The following FAM178B variants were observed in gnomAD, a reference collection of about 807,000 sequenced individuals.
FAM178B encodes the protein family with sequence similarity 178 member B, also known as protein FAM178B.
Under a neutral mutation model 91.7 loss-of-function variants are expected in FAM178B, and 82 were observed. That is an observed-to-expected ratio of 0.89 (90% CI 0.75 to 1.07). The LOEUF (loss-of-function observed/expected upper bound fraction) is 1.07. FAM178B is among the 50% of genes least tolerant of loss of function. The pLI is 0.00. For missense variants in FAM178B, 769 were observed against 846.7 expected, an observed-to-expected ratio of 0.91 and a Z score of 1.14; for synonymous variants, 368 against 359.4, an observed-to-expected ratio of 1.02 and a Z score of -0.27.
chr2:96,915,299 G>C (rs988434974), intron 12 of FAM178B, among the ~76,000 whole-genome samples: 1 of 150,284 alleles, frequency 6.7e-6, no homozygotes, highest in African/African-American at 2.5e-5. Flanking sequence ...TCTATTTTTA[G>C]TAGAGACGGG....
chr2:96,962,903 T>C (rs139864782), intron 5 of FAM178B, among the ~76,000 whole-genome samples: 1 of 152,286 alleles, frequency 6.6e-6, no homozygotes, highest in Non-Finnish European at 1.5e-5. Context: ...CCCCCTTCCC[T>C]GGCCCTATTC....
chr2:96,986,091 T>C, intron 1 of FAM178B, 150 bp downstream of exon 1: 2 of 1,428,110 alleles, frequency 1.4e-6, no homozygotes, highest in South Asian at 1.5e-5. Flanking sequence ...CCACGCGGGG[T>C]CGCAGGAACC....
In FAM178B at chr2:96,950,123, G is replaced by A. The variant is rs369802686; in HGVS notation, c.993+1256C>T. On this transcript the variant is annotated intron_variant, in intron 7 of 16. Coordinates refer to ENST00000490605, the MANE Select transcript of FAM178B (RefSeq NM_001122646.3). The stretch of plus-strand genomic sequence containing the variant: ...ACCTGGAAGAAACCGACACGCCCCC[G>A]GGAAGGCACTCCACGCCAGTGTCAG... The A allele has an allele frequency of 1.0e-5, 10 of 985,376 alleles. No homozygotes were observed. In the Admixed American group the frequency reaches 2.5e-4, roughly 24 times the overall value. The allele number at this position is 985,376 out of a possible 1,614,324, so 61.0% of individuals were successfully genotyped here.
intron 14 of FAM178B, among the ~76,000 whole-genome samples, chr2:96,888,778 C>A (rs1385509018): frequency 1.3e-5 from 2 of 152,348 alleles, no homozygotes; most frequent in East Asian, 1.9e-4. Context: ...AGAGGCCACA[C>A]CCTCTGCAGA....
chr2:96,939,972 A>G (rs1391334871), intron 8 of FAM178B, among the ~76,000 whole-genome samples: 1 of 152,196 alleles, frequency 6.6e-6, no homozygotes, highest in African/African-American at 2.4e-5. Flanking sequence ...TATGACGCTG[A>G]ATTACTGTTA....
chr2:96,891,817 GGAGT>G (rs1407179123), intron 14 of FAM178B, among the ~76,000 whole-genome samples: 10 of 152,212 alleles, frequency 6.6e-5, no homozygotes, highest in African/African-American at 2.2e-4. Flanking sequence ...CTCCCAGACA[GGAGT>G]GAGAGGGCCT....
At chr2:96,932,025 G>A (rs1296972847) in intron 8 of FAM178B, among the ~76,000 whole-genome samples, 2 of 152,240 alleles carry the variant, frequency 1.3e-5, no homozygotes, top group Non-Finnish European at 2.9e-5. Flanking sequence ...GTGCACGTAT[G>A]TGCATGCACC....
intron 7 of FAM178B, 145 bp downstream of exon 7, chr2:96,951,234 G>C (rs2081922102): frequency 3.1e-6 from 2 of 643,562 alleles, no homozygotes; most frequent in Admixed American, 4.9e-5. Context: ...TGCCCAATCA[G>C]CTCTCCTCCC....
intron 8 of FAM178B, 137 bp from the exon 9 acceptor site, chr2:96,929,457 T>C (rs536611874): frequency 1.5e-6 from 1 of 657,518 alleles, no homozygotes; most frequent in Non-Finnish European, 2.7e-6. Flanking sequence ...AGGTGTTATC[T>C]GGGGAAATGA....
At chr2:96,908,765 A>G (rs943445816) in intron 12 of FAM178B, among the ~76,000 whole-genome samples, 2 of 151,182 alleles carry the variant, frequency 1.3e-5, no homozygotes, top group African/African-American at 4.9e-5. Flanking sequence ...TAAGTAAATT[A>G]AAAGGTACAC....
chr2:96,892,688 C>G (rs1027986424), intron 14 of FAM178B, among the ~76,000 whole-genome samples: 1 of 152,014 alleles, frequency 6.6e-6, no homozygotes, highest in Non-Finnish European at 1.5e-5. Context: ...AAGGTGCCTG[C>G]AGGCCACACT....
intron 12 of FAM178B, among the ~76,000 whole-genome samples, chr2:96,919,073 G>C (rs2081289418): frequency 6.6e-6 from 1 of 152,212 alleles, no homozygotes; most frequent in African/African-American, 2.4e-5. Flanking sequence ...AATGCTCCCA[G>C]CTGAATAAAG....
At chr2:96,879,541 C>T (rs1017462585) in intron 14 of FAM178B, among the ~76,000 whole-genome samples, 1 of 152,242 alleles carries the variant, frequency 6.6e-6, no homozygotes, top group African/African-American at 2.4e-5. Context: ...GATTTGGTAC[C>T]ATCAACTGAC....
chr2:96,971,624 C>G (rs527684508), intron 3 of FAM178B, among the ~76,000 whole-genome samples: 2 of 152,280 alleles, frequency 1.3e-5, no homozygotes, highest in Admixed American at 6.5e-5. Flanking sequence ...ATGAAAGCCT[C>G]AAGGGGCCCC....
At chr2:96,918,528 A>G (rs998803673) in intron 12 of FAM178B, among the ~76,000 whole-genome samples, 23 of 152,270 alleles carry the variant, frequency 1.5e-4, no homozygotes, top group African/African-American at 5.5e-4. Context: ...ATGAGAATGC[A>G]GAAAAATATG....
At chr2:96,878,527 A>G in intron 14 of FAM178B, 34 bp from the exon 15 acceptor site, 1 of 1,603,822 alleles carries the variant, frequency 6.2e-7, no homozygotes, top group Non-Finnish European at 8.5e-7. Flanking sequence ...CTGCTTCTCT[A>G]ACTCCACCCA....
chr2:96,940,732 T>C (rs192642326), intron 8 of FAM178B, among the ~76,000 whole-genome samples: 2 of 152,328 alleles, frequency 1.3e-5, no homozygotes, highest in Admixed American at 1.3e-4. Context: ...ACTAGCTCAA[T>C]TGTGGCAATG....
intron 9 of FAM178B, 21 bp downstream of exon 9, chr2:96,929,185 T>C (rs2081499132): frequency 1.4e-6 from 2 of 1,466,042 alleles, no homozygotes; most frequent in African/African-American, 1.4e-5. Context: ...AAAAAGGCAG[T>C]GAGGAAGCAG....
intron 1 of FAM178B, chr2:96,977,884 G>C (rs748843532): frequency 2.3e-6 from 1 of 433,062 alleles, no homozygotes; most frequent in Admixed American, 2.7e-5. Context: ...TCAAGATCAC[G>C]AAGCCCAGGG....
Sources: gnomAD v4.1 joint callset for allele counts (sites outside exome capture counted in the v4.1 genomes callset) on GRCh38, gnomAD v4.1.1 for gene constraint, MANE v1.5 for transcripts, NCBI Gene and HGNC (gene_info 2026-07-23, HGNC 2026-07-21) for gene names.